RBFOX3: variants seen among roughly 807,000 people sequenced by gnomAD.
RBFOX3 encodes RNA binding fox-1 homolog 3, also known as RNA binding protein fox-1 homolog 3.
Under a neutral mutation model 48.7 loss-of-function variants are expected in RBFOX3, and 17 were observed. The observed-to-expected ratio is 0.35, with a 90% CI of 0.24 to 0.52. RBFOX3 has a LOEUF of 0.52. RBFOX3 is among the 20% of genes least tolerant of loss of function. The pLI is 0.94. For synonymous variants in RBFOX3, 212 were observed against 209.5 expected, an observed-to-expected ratio of 1.01 and a Z score of -0.10; for missense variants, 382 against 497.5, an observed-to-expected ratio of 0.77 and a Z score of 2.21.
chr17:79,598,462 C>G (rs1245237361), intron 1 of RBFOX3: 1 of 152,220 alleles, frequency 6.6e-6, no homozygotes. Flanking sequence ...ATGATGTATT[C>G]TCTGTTCTCC....
At chr17:79,395,619 C>T (rs1408086227) in intron 2 of RBFOX3, among the ~76,000 whole-genome samples, 1 of 152,232 alleles carries the variant, frequency 6.6e-6, no homozygotes, top group Non-Finnish European at 1.5e-5. Context: ...TTAGTGTGTG[C>T]CGGGCACTGA....
chr17:79,165,523 A>G (rs1795960), intron 4 of RBFOX3, among the ~76,000 whole-genome samples: 124,569 of 152,174 alleles, frequency 0.82, 52,510 homozygotes, highest in Non-Finnish European at 0.92. Flanking sequence ...TGGCAGGTGC[A>G]CATCCCGATT....
At chr17:79,416,409 A>G (rs1024649995) in intron 2 of RBFOX3, among the ~76,000 whole-genome samples, 2 of 152,204 alleles carry the variant, frequency 1.3e-5, no homozygotes, top group African/African-American at 4.8e-5. Context: ...CCTGCTAGGC[A>G]TAGTATAGGG....
intron 2 of RBFOX3, among the ~76,000 whole-genome samples, chr17:79,343,183 G>T (rs578228279): frequency 2.1e-4 from 32 of 152,252 alleles, no homozygotes; most frequent in African/African-American, 7.5e-4. Flanking sequence ...GTGATACCTG[G>T]ACTGTGTTCA....
intron 4 of RBFOX3, among the ~76,000 whole-genome samples, chr17:79,131,724 G>A (rs1050380337): frequency 6.6e-6 from 1 of 152,168 alleles, no homozygotes; most frequent in East Asian, 1.9e-4. Context: ...AGATATTGAG[G>A]GGTTCAAGGC....
At chr17:79,438,884 G>A (rs1414436281) in intron 2 of RBFOX3, among the ~76,000 whole-genome samples, 1 of 152,260 alleles carries the variant, frequency 6.6e-6, no homozygotes, top group African/African-American at 2.4e-5. Context: ...AAGAGAAAAT[G>A]AGTTCTGGGT....
chr17:79,125,435 T>C (rs947839811), intron 4 of RBFOX3, among the ~76,000 whole-genome samples: 1 of 152,346 alleles, frequency 6.6e-6, no homozygotes, highest in East Asian at 1.9e-4. Context: ...CAGAGGTGTC[T>C]GCCCACGTCG....
intron 4 of RBFOX3, among the ~76,000 whole-genome samples, chr17:79,150,813 C>A (rs12150540): frequency 1.3e-5 from 2 of 151,878 alleles, no homozygotes; most frequent in African/African-American, 4.8e-5. Context: ...GTGCCTCTGA[C>A]TGGCCATGGG....
At chr17:79,097,223 G>A in intron 11 of RBFOX3, 69 bp downstream of exon 11, 6 of 1,361,688 alleles carry the variant, frequency 4.4e-6, no homozygotes, top group Non-Finnish European at 6.0e-6. Context: ...ACTGCGCAGG[G>A]CCTCCCCATT....
chr17:79,177,547 C>T (rs1185644220), intron 4 of RBFOX3, among the ~76,000 whole-genome samples: 1 of 152,218 alleles, frequency 6.6e-6, no homozygotes, highest in East Asian at 1.9e-4. Flanking sequence ...GCCCAACCTG[C>T]TCCTCTGGCC....
chr17:79,615,165 A>T (rs1021566850), upstream of RBFOX3, among the ~76,000 whole-genome samples: 923 of 152,304 alleles, frequency 6.1e-3, 18 homozygotes, highest in East Asian at 0.024. Flanking sequence ...CTAACCAATC[A>T]CAAAGCGTGC....
chr17:79,286,785 C>T (rs911644113), intron 3 of RBFOX3, among the ~76,000 whole-genome samples: 3 of 152,152 alleles, frequency 2.0e-5, no homozygotes. Context: ...GAGGGAGGTC[C>T]CACCCATAGA....
At chr17:79,560,318 C>T (rs992030290) in intron 1 of RBFOX3, among the ~76,000 whole-genome samples, 33 of 152,174 alleles carry the variant, frequency 2.2e-4, no homozygotes, top group East Asian at 5.8e-4. Flanking sequence ...GGATACTTTG[C>T]GAACTGCAGA....
intron 5 of RBFOX3, among the ~76,000 whole-genome samples, chr17:79,109,902 T>C (rs1338675479): frequency 1.3e-5 from 2 of 151,746 alleles, no homozygotes; most frequent in African/African-American, 2.4e-5. Context: ...GAGCCATGAG[T>C]GGGGCCAGGA....
At chr17:79,312,014 C>T (rs564574631) in intron 2 of RBFOX3, among the ~76,000 whole-genome samples, 10 of 152,372 alleles carry the variant, frequency 6.6e-5, no homozygotes, top group African/African-American at 2.4e-4. Flanking sequence ...CTCCCTTCTC[C>T]TCCCCCTTCC....
chr17:79,311,090 G>T lies in RBFOX3; in HGVS notation c.-174-3266C>A, dbSNP rs750951075. On this transcript the variant is annotated intron_variant, in intron 2 of 14. Coordinates refer to ENST00000693108, the MANE Select transcript of RBFOX3 (RefSeq NM_001350451.2). This position sits in a 1 kb window ranked among gnomAD's most constrained non-coding sequence, Gnocchi z 4.2. Reference sequence around the variant, plus strand: ...AAGGCTTCATCCGGTCAGTTAAAAGGCCTTAACAGCAAAAACTAAGGTTCC... The same window carrying T: ...AAGGCTTCATCCGGTCAGTTAAAAGTCCTTAACAGCAAAAACTAAGGTTCC... Among the ~76,000 whole-genome samples the T allele has an allele frequency of 7.9e-5, 12 of 152,148 alleles. No homozygotes were observed. The highest frequency in any genetic ancestry group is 1.3e-4 in the Admixed American group (2 of 15,270).
chr17:79,615,630 T>C (rs1429407452), upstream of RBFOX3, among the ~76,000 whole-genome samples: 1 of 152,168 alleles, frequency 6.6e-6, no homozygotes, highest in East Asian at 1.9e-4. Context: ...TCGGGCCGTG[T>C]TGCAGTGGAG....
intron 3 of RBFOX3, among the ~76,000 whole-genome samples, chr17:79,238,431 G>A (rs1040612567): frequency 2.6e-5 from 4 of 152,218 alleles, no homozygotes; most frequent in African/African-American, 9.7e-5. Context: ...CTGAGAAGGT[G>A]AAGCAGGACT....
At chr17:79,296,431 G>A (rs1351376040) in intron 3 of RBFOX3, among the ~76,000 whole-genome samples, 1 of 152,050 alleles carries the variant, frequency 6.6e-6, no homozygotes, top group Non-Finnish European at 1.5e-5. Flanking sequence ...TCTATGGGCC[G>A]ACTTTGTTAC....
Sources: allele counts gnomAD v4.1 joint callset (sites outside exome capture counted in the v4.1 genomes callset), GRCh38; gene constraint gnomAD v4.1.1; non-coding constraint Gnocchi (gnomAD v3.1); transcripts MANE v1.5; gene names NCBI Gene and HGNC (gene_info 2026-07-23, HGNC 2026-07-21).